The following GRIA1 variants were observed in gnomAD, a reference collection of about 807,000 sequenced individuals.
GRIA1 encodes glutamate ionotropic receptor AMPA type subunit 1.
GRIA1 carries 31 observed loss-of-function variants against 99.2 expected under a neutral mutation model. The observed-to-expected ratio is 0.31, with a 90% CI of 0.23 to 0.42. The LOEUF is 0.42. Among genes scored for constraint, GRIA1 ranks in the 10% least tolerant of loss-of-function variants. The pLI is 1.00. For missense variants in GRIA1, 782 were observed against 1,157.5 expected (o/e 0.68, Z 4.71); for synonymous variants, 438 against 432.4 (o/e 1.01, Z -0.16).
chr5:153,707,833 G>A (rs545894165), intron 11 of GRIA1, among the ~76,000 whole-genome samples: 17 of 151,976 alleles, frequency 1.1e-4, no homozygotes, highest in East Asian at 5.8e-4. Flanking sequence ...GGTGGGGGGC[G>A]CGTGGGAGAG....
chr5:153,498,102 A>G (rs1162942902), intron 2 of GRIA1, among the ~76,000 whole-genome samples: 1 of 152,212 alleles, frequency 6.6e-6, no homozygotes, highest in Non-Finnish European at 1.5e-5. Context: ...GGAATTTCAC[A>G]TTAGAACTTG....
intron 2 of GRIA1, among the ~76,000 whole-genome samples, chr5:153,617,719 C>G (rs1027113030): frequency 2.0e-5 from 3 of 152,300 alleles, no homozygotes; most frequent in South Asian, 4.1e-4. Context: ...CACCTCTAAT[C>G]TCATATTTAT....
At chr5:153,809,336 G>A (rs935048792) in intron 15 of GRIA1, among the ~76,000 whole-genome samples, 1 of 152,326 alleles carries the variant, frequency 6.6e-6, no homozygotes, top group East Asian at 1.9e-4. Flanking sequence ...ATGGAAGACA[G>A]CCAAGGGAGA....
chr5:153,753,697 A>AG (rs1190047673), intron 11 of GRIA1, among the ~76,000 whole-genome samples: 30 of 109,572 alleles, frequency 2.7e-4, no homozygotes, highest in African/African-American at 8.7e-4. Context: ...CCAATTCTGC[A>AG]GGAAAAAAAA....
intron 2 of GRIA1, among the ~76,000 whole-genome samples, chr5:153,504,974 T>C (rs1411884925): frequency 1.3e-5 from 2 of 152,162 alleles, no homozygotes; most frequent in Non-Finnish European, 2.9e-5. Context: ...TGGTAGGTTC[T>C]CCTAATTGGT....
rs375234053 is a variant in GRIA1, at chr5:153,501,650, G to A, written c.220+7585G>A. ...TGCCAAATTCACATTTGCTGAAGAC[G>A]TCTGGCTTGTGTTTCAATGGCCTTG... is the stretch of plus-strand genomic sequence containing the variant. On this transcript the variant is annotated intron_variant, in intron 2 of 15. Coordinates refer to ENST00000285900, the MANE Select transcript of GRIA1 (RefSeq NM_000827.4). Among the ~76,000 whole-genome samples, 30 of 152,324 alleles carry A rather than the reference G, an allele frequency of 2.0e-4. No homozygotes were observed. The East Asian group carries it at 2.5e-3, about 13-fold the overall frequency.
intron 2 of GRIA1, 71 bp from the exon 3 acceptor site, chr5:153,646,857 T>C (rs1754187966): frequency 1.3e-6 from 2 of 1,527,140 alleles, no homozygotes; most frequent in Admixed American, 3.5e-5. Context: ...AACTAGTGGA[T>C]GGATTCATTT....
At chr5:153,739,913 AC>A (rs1379956868) in intron 11 of GRIA1, among the ~76,000 whole-genome samples, 1 of 152,238 alleles carries the variant, frequency 6.6e-6, no homozygotes, top group African/African-American at 2.4e-5. Context: ...CTCTTGGAAA[AC>A]AAAAAGAAAG....
intron 2 of GRIA1, among the ~76,000 whole-genome samples, chr5:153,608,031 T>G (rs1035310901): frequency 6.6e-6 from 1 of 152,140 alleles, no homozygotes. Flanking sequence ...GAAAAAAGTT[T>G]TTGTTGGATA....
chr5:153,666,537 A>G (rs1336167910), intron 5 of GRIA1, among the ~76,000 whole-genome samples: 1 of 152,152 alleles, frequency 6.6e-6, no homozygotes, highest in African/African-American at 2.4e-5. Context: ...TGGCCTCACT[A>G]GTGGTTGGGA....
intron 2 of GRIA1, among the ~76,000 whole-genome samples, chr5:153,562,710 A>AGTG (rs1263032506): frequency 6.6e-6 from 1 of 152,142 alleles, no homozygotes; most frequent in African/African-American, 2.4e-5. Context: ...TGAGTGAGTG[A>AGTG]ATGATTGAAT....
intron 11 of GRIA1, among the ~76,000 whole-genome samples, chr5:153,762,676 C>A (rs1407598106): frequency 6.6e-6 from 1 of 152,130 alleles, no homozygotes; most frequent in African/African-American, 2.4e-5. Flanking sequence ...CCTTCTCTGT[C>A]CTCCTTAGAG....
chr5:153,511,754 T>C (rs1756101301), intron 2 of GRIA1, among the ~76,000 whole-genome samples: 1 of 152,216 alleles, frequency 6.6e-6, no homozygotes, highest in Non-Finnish European at 1.5e-5. Flanking sequence ...CCTCCTACTC[T>C]TCCAGGCTCC....
intron 13 of GRIA1, among the ~76,000 whole-genome samples, chr5:153,776,073 G>A (rs1371667058): frequency 6.6e-6 from 1 of 152,170 alleles, no homozygotes; most frequent in Non-Finnish European, 1.5e-5. Flanking sequence ...TTACAGGGAG[G>A]GACATGATTG....
At chr5:153,678,282 A>G (rs1756733966) in intron 7 of GRIA1, among the ~76,000 whole-genome samples, 1 of 152,216 alleles carries the variant, frequency 6.6e-6, no homozygotes, top group African/African-American at 2.4e-5. Context: ...AGCTCTAGCA[A>G]CTTTCACAAC....
chr5:153,613,754 C>T lies in GRIA1; in HGVS notation c.221-33174C>T, dbSNP rs151138430. Among the ~76,000 whole-genome samples, 32 of 152,086 alleles carry T rather than the reference C, an allele frequency of 2.1e-4. No individual in the cohort carries two copies. The East Asian group carries it at 6.0e-3, about 28-fold the overall frequency. ...CATCATAGAATCTGATATTCTTCAG[C>T]GTTAAAGGGGCTTGAGAGAGGCATT... On this transcript the variant is annotated intron_variant, in intron 2 of 15. Transcript: ENST00000285900.
intron 13 of GRIA1, among the ~76,000 whole-genome samples, chr5:153,789,970 T>C (rs1246894025): frequency 6.6e-6 from 1 of 152,218 alleles, no homozygotes; most frequent in Non-Finnish European, 1.5e-5. Flanking sequence ...CATTTGATAA[T>C]TCTGAGTTGG....
chr5:153,805,304 T>C (rs534782195), intron 15 of GRIA1, among the ~76,000 whole-genome samples: 2 of 152,260 alleles, frequency 1.3e-5, no homozygotes, highest in Non-Finnish European at 2.9e-5. Flanking sequence ...TTAAGCTATA[T>C]AGATTGTGAG....
chr5:153,699,168 A>G (rs1297989964), intron 10 of GRIA1, 95 bp downstream of exon 10: 3 of 818,862 alleles, frequency 3.7e-6, no homozygotes, highest in Non-Finnish European at 4.1e-6. Context: ...ACAGATGTCT[A>G]TGAAACCCTG....
Sources: gnomAD v4.1 joint callset for allele counts (sites outside exome capture counted in the v4.1 genomes callset) on GRCh38, gnomAD v4.1.1 for gene constraint, MANE v1.5 for transcripts, NCBI Gene and HGNC (gene_info 2026-07-23, HGNC 2026-07-21) for gene names.